Variants in LRP1B observed in about 807,000 individuals in gnomAD.
LRP1B encodes low-density lipoprotein receptor-related protein 1B.
LRP1B carries 217 observed loss-of-function variants against 556.6 expected under a neutral mutation model. The observed-to-expected ratio is 0.39, with a 90% CI of 0.35 to 0.44. The LOEUF (loss-of-function observed/expected upper bound fraction) is 0.44, where lower values mean the gene tolerates loss of function less well. Among genes scored for constraint, LRP1B ranks in the 20% least tolerant of loss-of-function variants. The probability of loss-of-function intolerance (pLI) is 1.00; values close to 1 mark genes in which losing one functional copy is unlikely to be tolerated. For synonymous variants in LRP1B, 2,047 were observed against 1,865.8 expected (o/e 1.10, Z -2.50); for missense variants, 5,053 against 5,620.8 (o/e 0.90, Z 3.23).
intron 2 of LRP1B, among the ~76,000 whole-genome samples, chr2:141,581,617 T>A (rs1481516480): frequency 6.6e-6 from 1 of 152,176 alleles, no homozygotes; most frequent in Non-Finnish European, 1.5e-5. Context: ...ATGAAAAAAA[T>A]TGGGTCTGAA....
intron 6 of LRP1B, among the ~76,000 whole-genome samples, chr2:141,203,668 G>A (rs945533694): frequency 3.9e-5 from 6 of 152,044 alleles, no homozygotes; most frequent in African/African-American, 1.5e-4. Flanking sequence ...ACTCAGCTCT[G>A]GACCAAGTGG....
intron 7 of LRP1B, among the ~76,000 whole-genome samples, chr2:141,126,022 T>C (rs545272473): frequency 4.9e-5 from 7 of 142,052 alleles, no homozygotes; most frequent in African/African-American, 1.8e-4. Flanking sequence ...AATTGATAGC[T>C]ACTTTCTTCC....
At chr2:140,426,537 A>G (rs1006394598) in intron 66 of LRP1B, among the ~76,000 whole-genome samples, 1 of 152,092 alleles carries the variant, frequency 6.6e-6, no homozygotes, top group Non-Finnish European at 1.5e-5. Context: ...TGATGACATT[A>G]TCTTCTGAAA....
At chr2:140,404,791 C>G (rs553479714) in intron 66 of LRP1B, among the ~76,000 whole-genome samples, 5 of 152,090 alleles carry the variant, frequency 3.3e-5, no homozygotes, top group Non-Finnish European at 5.9e-5. Flanking sequence ...ATTCTTATAT[C>G]AGATAAAACA....
At chr2:141,193,949 T>G (rs1287267950) in intron 6 of LRP1B, among the ~76,000 whole-genome samples, 1 of 152,082 alleles carries the variant, frequency 6.6e-6, no homozygotes, top group Non-Finnish European at 1.5e-5. Flanking sequence ...ATTTAATTTG[T>G]TTAAATCCAT....
intron 41 of LRP1B, among the ~76,000 whole-genome samples, chr2:140,616,317 G>C (rs2105238208): frequency 6.6e-6 from 1 of 151,964 alleles, no homozygotes; most frequent in East Asian, 1.9e-4. Context: ...TAGAACTTAA[G>C]ACAATCACTT....
At chr2:140,681,151 C>T (rs560221538) in intron 41 of LRP1B, among the ~76,000 whole-genome samples, 3 of 152,240 alleles carry the variant, frequency 2.0e-5, no homozygotes, top group African/African-American at 7.2e-5. Flanking sequence ...TTCCATGTGA[C>T]TATGTTTTGC....
chr2:141,293,212 A>G (rs941612037), intron 3 of LRP1B, among the ~76,000 whole-genome samples: 1 of 152,202 alleles, frequency 6.6e-6, no homozygotes, highest in East Asian at 1.9e-4. Flanking sequence ...GTAAATTCAC[A>G]ATAGAAAAGG....
At chr2:141,598,119 T>C (rs1462126232) in intron 2 of LRP1B, among the ~76,000 whole-genome samples, 1 of 151,882 alleles carries the variant, frequency 6.6e-6, no homozygotes, top group Non-Finnish European at 1.5e-5. Flanking sequence ...ATATAATTTT[T>C]ACATGAATCA....
intron 7 of LRP1B, among the ~76,000 whole-genome samples, chr2:141,143,499 C>G (rs1388642366): frequency 6.6e-6 from 1 of 152,134 alleles, no homozygotes; most frequent in Non-Finnish European, 1.5e-5. Context: ...CCCATGAAGA[C>G]AGAGATGTTA....
At chr2:142,073,298 G>A (rs767343238) in intron 1 of LRP1B, among the ~76,000 whole-genome samples, 2 of 151,734 alleles carry the variant, frequency 1.3e-5, no homozygotes, top group East Asian at 1.9e-4. Flanking sequence ...GTATACTCCT[G>A]GTAACAAGTC....
intron 43 of LRP1B, among the ~76,000 whole-genome samples, chr2:140,573,984 A>T (rs1263514011): frequency 6.6e-6 from 1 of 152,046 alleles, no homozygotes; most frequent in African/African-American, 2.4e-5. Context: ...TTTACAATAG[A>T]AAAAAAGAAA....
intron 87 of LRP1B, among the ~76,000 whole-genome samples, chr2:140,244,113 C>T (rs1431013976): frequency 6.6e-6 from 1 of 151,248 alleles, no homozygotes; most frequent in African/African-American, 2.4e-5. Flanking sequence ...GGATCTAGTG[C>T]AGTACTTGAC....
chr2:140,238,920 T>C (rs1680829087), intron 88 of LRP1B, among the ~76,000 whole-genome samples: 1 of 150,934 alleles, frequency 6.6e-6, no homozygotes, highest in Non-Finnish European at 1.5e-5. Context: ...CATTTGTAAG[T>C]GAGCACACAT....
chr2:140,386,078 GCCATGCCAAAT>G, intron 66 of LRP1B, 69 bp from the exon 67 acceptor site: 2 of 905,014 alleles, frequency 2.2e-6, no homozygotes, highest in Non-Finnish European at 3.6e-6. Context: ...CGTCCTCACT[GCCATGCCAAAT>G]CCATGGCATA....
rs970052949 is a variant in LRP1B at position 140,951,797 on chromosome 2, G to A, written c.2968+63C>T. The A allele has an allele frequency of 1.6e-5, 21 of 1,304,060 alleles. No individual in the cohort carries two copies. The African/African-American group carries it at 3.0e-4, about 19-fold the overall frequency. The allele number at this position is 1,304,060 out of a possible 1,614,324, so 80.8% of individuals were successfully genotyped here. A position where few individuals can be genotyped will look rare whatever the true frequency, so the allele number is the denominator to read the frequency against. ...TACAAAGTACCTCTGAAGAAAGCCA[G>A]GCAGTCCAGACCGCCAAGCCCCCGA... On this transcript the variant is annotated intron_variant, in intron 19 of 90. Coordinates refer to ENST00000389484, the MANE Select transcript of LRP1B (RefSeq NM_018557.3).
chr2:141,473,591 AAC>A (rs1403901031), intron 3 of LRP1B, among the ~76,000 whole-genome samples: 3 of 152,162 alleles, frequency 2.0e-5, no homozygotes, highest in Admixed American at 2.0e-4. Flanking sequence ...AGCACAGCTC[AAC>A]ACAGAGAAAA....
chr2:140,452,713 C>A (rs1469024526), intron 62 of LRP1B, among the ~76,000 whole-genome samples: 1 of 151,996 alleles, frequency 6.6e-6, no homozygotes, highest in Non-Finnish European at 1.5e-5. Context: ...AAGCCTTGTT[C>A]ATTTAGAATA....
chr2:142,115,982 C>T (rs1707258168), intron 1 of LRP1B, among the ~76,000 whole-genome samples: 1 of 141,886 alleles, frequency 7.0e-6, no homozygotes, highest in Admixed American at 7.6e-5. Flanking sequence ...TTTGGGAGGC[C>T]AAGGCGGGTG....
Sources: gnomAD v4.1 joint callset for allele counts (sites outside exome capture counted in the v4.1 genomes callset) on GRCh38, gnomAD v4.1.1 for gene constraint, MANE v1.5 for transcripts, NCBI Gene and HGNC (gene_info 2026-07-23, HGNC 2026-07-21) for gene names.